Variants in KCNS3 observed in about 807,000 individuals in gnomAD.
KCNS3 encodes potassium voltage-gated channel modifier subfamily S member 3, also known as delayed-rectifier potassium channel regulatory subunit KCNS3.
A neutral mutation model predicts 31.0 loss-of-function variants in KCNS3; 13 were observed. That is an observed-to-expected ratio of 0.42 (90% CI 0.27 to 0.67). The LOEUF (loss-of-function observed/expected upper bound fraction) is 0.67. Among genes scored for constraint, KCNS3 ranks in the 30% least tolerant of loss-of-function variants. The pLI is 0.25. For missense variants in KCNS3, 545 were observed against 622.4 expected (o/e 0.88, Z 1.32); for synonymous variants, 238 against 241.5 (o/e 0.99, Z 0.13).
chr2:17,905,001 T>G (rs1662281821), intron 1 of KCNS3, among the ~76,000 whole-genome samples: 2 of 152,216 alleles, frequency 1.3e-5, no homozygotes, highest in African/African-American at 4.8e-5. Context: ...GTGAAGAAAG[T>G]CATTGGTAGC....
At chr2:17,914,631 C>CA (rs923436606) in intron 1 of KCNS3, among the ~76,000 whole-genome samples, 1 of 152,130 alleles carries the variant, frequency 6.6e-6, no homozygotes, top group Non-Finnish European at 1.5e-5. Flanking sequence ...GGAATTGGTT[C>CA]AAAAAATGTG....
Position 17,932,497 on chromosome 2 carries a change from G to T in KCNS3, c.*13G>T, listed in dbSNP as rs1339135005. The stretch of plus-strand genomic sequence containing the variant: ...CACAGCAAAATGAGCGGGGGTGTTT[G>T]TGCCTGTTTCTCTTATCCTTTCCCG... On this transcript the variant is annotated 3_prime_UTR_variant, in exon 3 of 3. Transcript: ENST00000304101. 1 of 1,595,406 alleles carries T rather than the reference G, an allele frequency of 6.3e-7. No homozygotes were observed. Among genetic ancestry groups the T allele is most frequent in the Admixed American group, 1.7e-5 (1 of 58,342 alleles).
chr2:17,887,634 C>T (rs2125233030), intron 1 of KCNS3, among the ~76,000 whole-genome samples: 1 of 151,788 alleles, frequency 6.6e-6, no homozygotes, highest in African/African-American at 2.4e-5. Flanking sequence ...CTGCTATAAA[C>T]ATGTGTGCAA....
At chr2:17,878,578 C>T (rs1368230055), upstream of KCNS3, 1 of 148,594 alleles carries the variant, frequency 6.7e-6, no homozygotes, top group Non-Finnish European at 1.5e-5. Flanking sequence ...GGGGCGGCGG[C>T]CGAGCGGCGG....
chr2:17,912,552 G>T (rs1226151257), intron 1 of KCNS3, among the ~76,000 whole-genome samples: 1 of 152,178 alleles, frequency 6.6e-6, no homozygotes, highest in Non-Finnish European at 1.5e-5. Context: ...ACACCCTTCC[G>T]CAGGGAAGCG....
intron 2 of KCNS3, among the ~76,000 whole-genome samples, chr2:17,919,091 TC>T (rs1662656271): frequency 6.6e-6 from 1 of 152,238 alleles, no homozygotes; most frequent in Non-Finnish European, 1.5e-5. Flanking sequence ...AGGACAGCTT[TC>T]TGGTTGTTTG....
At chr2:17,887,484 G>GATCTATCT (rs55654719) in intron 1 of KCNS3, among the ~76,000 whole-genome samples, 41,214 of 146,074 alleles carry the variant, frequency 0.28, 5,986 homozygotes, top group South Asian at 0.3. Flanking sequence ...TCTATCATAT[G>GATCTATCT]ATCTATCTAT....
chr2:17,893,755 C>G (rs1240177088), intron 1 of KCNS3, among the ~76,000 whole-genome samples: 1 of 151,854 alleles, frequency 6.6e-6, no homozygotes, highest in Non-Finnish European at 1.5e-5. Flanking sequence ...TTGGGGCACT[C>G]ACAGTATTTG....
rs184336647 is a variant in KCNS3, at chr2:17,905,969, G to C, written c.-251-11711G>C. ...AGGCTTTGGTATCATGATGATGCTG[G>C]CCTGATAAGATGAGTTAGGGAGGAT... On this transcript the variant is annotated intron_variant, in intron 1 of 2. Transcript: ENST00000304101. 5.9e-3 allele frequency among the ~76,000 whole-genome samples: 904 copies of C among 152,270 alleles called. 12 individuals carry two copies. Among genetic ancestry groups the C allele is most frequent in the African/African-American group, 0.021 (855 of 41,544 alleles).
At position 17,932,619 on chromosome 2, in the gene KCNS3, T is replaced by C. The variant is rs1663029400; in HGVS notation, c.*135T>C. 3.4e-5 allele frequency: 30 copies of C among 873,194 alleles called. No homozygotes were observed. Among genetic ancestry groups the C allele is most frequent in the Non-Finnish European group, 4.0e-5 (23 of 573,536 alleles). The allele number at this position is 873,194 out of a possible 1,614,324, so 54.1% of individuals were successfully genotyped here. A position where few individuals can be genotyped will look rare whatever the true frequency, so the allele number is the denominator to read the frequency against. On this transcript the variant is annotated 3_prime_UTR_variant, in exon 3 of 3. Transcript: ENST00000304101. The stretch of plus-strand genomic sequence containing the variant: ...TCAGCCATAGTTGGACATTCATTGC[T>C]GAATTCTGAAATGATAGAATTGTCT...
chr2:17,884,267 AAAT>A (rs1300313616), intron 1 of KCNS3, among the ~76,000 whole-genome samples: 1,345 of 38,542 alleles, frequency 0.035, 3 homozygotes, highest in Non-Finnish European at 0.056. Context: ...AAAAAAAAAA[AAAT>A]ATATATATAT....
At chr2:17,888,649 A>ATATC (rs1661760530) in intron 1 of KCNS3, among the ~76,000 whole-genome samples, 1 of 132,102 alleles carries the variant, frequency 7.6e-6, no homozygotes, top group African/African-American at 2.7e-5. Flanking sequence ...ATATATATAT[A>ATATC]TATATATATA....
At chr2:17,901,067 G>A (rs746127151) in intron 1 of KCNS3, among the ~76,000 whole-genome samples, 31 of 152,120 alleles carry the variant, frequency 2.0e-4, no homozygotes, top group Non-Finnish European at 2.8e-4. Context: ...AGTGAGTGCC[G>A]AATCCAGGAT....
intron 1 of KCNS3, among the ~76,000 whole-genome samples, chr2:17,897,445 G>A (rs1431545335): frequency 1.3e-5 from 2 of 152,174 alleles, no homozygotes; most frequent in Non-Finnish European, 2.9e-5. Flanking sequence ...TCTGTTTTAA[G>A]TTCTTTGAGA....
At chr2:17,902,706 G>A (rs746384611) in intron 1 of KCNS3, among the ~76,000 whole-genome samples, 1 of 152,188 alleles carries the variant, frequency 6.6e-6, no homozygotes, top group Non-Finnish European at 1.5e-5. Flanking sequence ...GTTAAGTCAA[G>A]CAGTGTTAAT....
intron 2 of KCNS3, among the ~76,000 whole-genome samples, chr2:17,918,759 A>T (rs539011234): frequency 3.0e-4 from 46 of 152,340 alleles, no homozygotes; most frequent in African/African-American, 1.1e-3. Context: ...CTTGTGGGGA[A>T]TAAGGAGAAT....
chr2:17,890,602 C>T (rs1253637344), intron 1 of KCNS3, among the ~76,000 whole-genome samples: 1 of 152,016 alleles, frequency 6.6e-6, no homozygotes, highest in Non-Finnish European at 1.5e-5. Context: ...TTTGCTGTAT[C>T]CCAGAGGTTT....
At position 17,904,509 on chromosome 2, in the gene KCNS3, G is replaced by C. The variant is rs528798395; in HGVS notation, c.-251-13171G>C. On this transcript the variant is annotated intron_variant, in intron 1 of 2. Transcript: ENST00000304101. ...TTGGCTTTTGTTGCCATTGCTTTTGGTGTTTTAGACATGAAGTCCTTGCCC... is the reference window on the plus strand; with the variant it reads ...TTGGCTTTTGTTGCCATTGCTTTTGCTGTTTTAGACATGAAGTCCTTGCCC... Among the ~76,000 whole-genome samples, 152 of 152,150 alleles carry C rather than the reference G, an allele frequency of 1.0e-3. 1 individual carries two copies. Among genetic ancestry groups the C allele is most frequent in the Non-Finnish European group, 6.6e-4 (45 of 67,978 alleles).
intron 1 of KCNS3, among the ~76,000 whole-genome samples, chr2:17,890,851 G>T (rs544440159): frequency 2.0e-5 from 3 of 152,164 alleles, no homozygotes; most frequent in South Asian, 4.2e-4. Flanking sequence ...CCCATCATAT[G>T]GTCTATCTTG....
Sources: gnomAD v4.1 joint callset for allele counts (sites outside exome capture counted in the v4.1 genomes callset) on GRCh38, gnomAD v4.1.1 for gene constraint, MANE v1.5 for transcripts, NCBI Gene and HGNC (gene_info 2026-07-23, HGNC 2026-07-21) for gene names.